POU6F2: variants seen among roughly 807,000 people sequenced by gnomAD.
POU6F2 encodes POU class 6 homeobox 2.
POU6F2 carries 31 observed loss-of-function variants against 71.3 expected under a neutral mutation model. The ratio of observed to expected loss-of-function variants is 0.43; its 90% CI spans 0.33 to 0.59. POU6F2 has a LOEUF of 0.59. Among genes scored for constraint, POU6F2 ranks in the 20% least tolerant of loss-of-function variants. POU6F2 has a pLI of 0.04. For missense variants in POU6F2, 783 were observed against 856.8 expected, an observed-to-expected ratio of 0.91 and a Z score of 1.07; for synonymous variants, 347 against 355.7, an observed-to-expected ratio of 0.98 and a Z score of 0.27.
intron 5 of POU6F2, among the ~76,000 whole-genome samples, chr7:39,405,227 G>C (rs746290516): frequency 6.6e-6 from 1 of 152,048 alleles, no homozygotes; most frequent in Non-Finnish European, 1.5e-5. Context: ...TGTCCTTTTT[G>C]ATGTTTTCTC....
intron 1 of POU6F2, among the ~76,000 whole-genome samples, chr7:38,983,024 T>A (rs538539250): frequency 1.1e-4 from 17 of 152,258 alleles, no homozygotes; most frequent in African/African-American, 3.8e-4. Context: ...AAAATTGGAA[T>A]ATAATTAACA....
intron 4 of POU6F2, among the ~76,000 whole-genome samples, chr7:39,297,478 C>T (rs1274650067): frequency 2.0e-5 from 3 of 152,204 alleles, no homozygotes; most frequent in African/African-American, 7.2e-5. Context: ...TCTTATCTGA[C>T]TACTACTTGA....
intron 5 of POU6F2, among the ~76,000 whole-genome samples, chr7:39,380,041 T>C (rs2115790121): frequency 6.6e-6 from 1 of 152,334 alleles, no homozygotes; most frequent in Non-Finnish European, 1.5e-5. Context: ...AGAAATGATC[T>C]ATTCATCCCA....
In POU6F2 at chr7:39,460,973, AG is replaced by A. The variant is rs1436709865; in HGVS notation, c.1658+261del. ...AGTCTCATTGGAAATACACTACCCC[AG>A]GGTCAGGGGCCTTCCTCCTGGGCCC... is the stretch of plus-strand genomic sequence containing the variant. On this transcript the variant is annotated intron_variant, in intron 9 of 9. Transcript: ENST00000518318. The surrounding 1 kb of genome is among the most constrained non-coding windows in gnomAD (Gnocchi z 4.4). Among the ~76,000 whole-genome samples, 1 of 152,136 alleles carries A rather than the reference AG, an allele frequency of 6.6e-6. No homozygotes were observed. The highest frequency in any genetic ancestry group is 1.5e-5 in the Non-Finnish European group (1 of 68,028).
intron 1 of POU6F2, among the ~76,000 whole-genome samples, chr7:39,079,879 A>T (rs772247228): frequency 1.6e-4 from 24 of 152,146 alleles, no homozygotes; most frequent in Admixed American, 1.4e-3. Flanking sequence ...TTATAATGGA[A>T]ATTTTTGTCT....
At chr7:39,435,607 T>G (rs1050447407) in intron 7 of POU6F2, among the ~76,000 whole-genome samples, 1 of 152,228 alleles carries the variant, frequency 6.6e-6, no homozygotes, top group African/African-American at 2.4e-5. Flanking sequence ...TAGTTTCTTT[T>G]GCTGTGCAGA....
chr7:39,071,869 C>T (rs923586811), intron 1 of POU6F2, among the ~76,000 whole-genome samples: 5 of 152,066 alleles, frequency 3.3e-5, no homozygotes, highest in African/African-American at 7.2e-5. Flanking sequence ...AACACTAATT[C>T]GGATTTTTCT....
At chr7:39,429,382 A>G (rs1399551377) in intron 6 of POU6F2, among the ~76,000 whole-genome samples, 3 of 152,092 alleles carry the variant, frequency 2.0e-5, no homozygotes, top group Non-Finnish European at 2.9e-5. Flanking sequence ...TTCATTCCCA[A>G]TAGTCTTTTG....
chr7:39,322,945 C>T (rs1330301700), intron 4 of POU6F2, among the ~76,000 whole-genome samples: 1 of 152,254 alleles, frequency 6.6e-6, no homozygotes, highest in African/African-American at 2.4e-5. Flanking sequence ...GGTATCTCTA[C>T]TTTTGTGAAC....
At chr7:39,085,794 A>G (rs573557528) in intron 1 of POU6F2, 66 bp from the exon 2 acceptor site, 4 of 1,493,918 alleles carry the variant, frequency 2.7e-6, no homozygotes, top group Admixed American at 1.8e-5. Context: ...AGAGGGAGAG[A>G]GAGGACACGC....
intron 5 of POU6F2, among the ~76,000 whole-genome samples, chr7:39,393,706 C>T (rs959578685): frequency 7.9e-5 from 12 of 152,114 alleles, no homozygotes; most frequent in African/African-American, 2.7e-4. Flanking sequence ...CTCTGGCTAG[C>T]TTCCTTCTAC....
At chr7:39,087,229 G>A (rs957214945) in intron 2 of POU6F2, among the ~76,000 whole-genome samples, 1 of 151,138 alleles carries the variant, frequency 6.6e-6, no homozygotes, top group African/African-American at 2.4e-5. Flanking sequence ...TGCCCTGAGA[G>A]TTTGGCAACT....
chr7:39,313,955 C>T (rs541953193), intron 4 of POU6F2, among the ~76,000 whole-genome samples: 17 of 152,252 alleles, frequency 1.1e-4, no homozygotes, highest in Admixed American at 9.8e-4. Flanking sequence ...GGGAGAATTC[C>T]CTACCATCTA....
intron 5 of POU6F2, among the ~76,000 whole-genome samples, chr7:39,375,400 A>G (rs1180789591): frequency 6.6e-6 from 1 of 152,136 alleles, no homozygotes; most frequent in African/African-American, 2.4e-5. Flanking sequence ...TATTCAGGTG[A>G]TGACCAGTGG....
rs548897971 is a variant in POU6F2 at position 39,196,911 on chromosome 7, G to A, written c.278-7324G>A. On this transcript the variant is annotated intron_variant, in intron 2 of 9. Coordinates refer to ENST00000518318, the MANE Select transcript of POU6F2 (RefSeq NM_001370959.1). ...TAACCCAAAATTGTATGGAAACCGA[G>A]TCAGTGGAATCGGCAGCGAGCTATG... Among the ~76,000 whole-genome samples the A allele has an allele frequency of 1.1e-4, 16 of 152,364 alleles. No individual in the cohort carries two copies. The South Asian group carries it at 3.3e-3, about 32-fold the overall frequency.
intron 7 of POU6F2, among the ~76,000 whole-genome samples, chr7:39,438,489 A>T (rs1304954164): frequency 2.0e-5 from 3 of 152,206 alleles, no homozygotes; most frequent in African/African-American, 7.2e-5. Context: ...CTGAAATGCA[A>T]ATCAAAACCA....
At chr7:39,126,872 C>T (rs1380753696) in intron 2 of POU6F2, among the ~76,000 whole-genome samples, 1 of 152,022 alleles carries the variant, frequency 6.6e-6, no homozygotes, top group Non-Finnish European at 1.5e-5. Flanking sequence ...TTTATTAGAC[C>T]AGTGGGCTAA....
At chr7:39,343,953 A>C (rs1785976459) in intron 5 of POU6F2, among the ~76,000 whole-genome samples, 2 of 152,190 alleles carry the variant, frequency 1.3e-5, no homozygotes, top group African/African-American at 4.8e-5. Context: ...TGGAGGACAA[A>C]CATAAGTGGG....
At chr7:39,040,550 A>G (rs778087022) in intron 1 of POU6F2, among the ~76,000 whole-genome samples, 50 of 151,908 alleles carry the variant, frequency 3.3e-4, no homozygotes, top group Admixed American at 4.6e-4. Context: ...GAAAAAACCC[A>G]AAGCTATGTT....
Sources: allele counts gnomAD v4.1 joint callset (sites outside exome capture counted in the v4.1 genomes callset), GRCh38; gene constraint gnomAD v4.1.1; non-coding constraint Gnocchi (gnomAD v3.1); transcripts MANE v1.5; gene names NCBI Gene and HGNC (gene_info 2026-07-23, HGNC 2026-07-21).